STK32B: variants seen among roughly 807,000 people sequenced by gnomAD.
STK32B encodes the protein serine/threonine-protein kinase 32B.
Under a neutral mutation model 52.6 loss-of-function variants are expected in STK32B, and 43 were observed. That is an observed-to-expected ratio of 0.82 (90% CI 0.64 to 1.05). The LOEUF is 1.05. Ranked by LOEUF, STK32B falls within the 50% of genes least tolerant of loss-of-function variation. The pLI, the probability that STK32B is intolerant of heterozygous loss-of-function variation, is 0.00. For missense variants in STK32B, 621 were observed against 534.6 expected, an observed-to-expected ratio of 1.16 and a Z score of -1.59; for synonymous variants, 238 against 204.3, an observed-to-expected ratio of 1.17 and a Z score of -1.41.
At chr4:5,294,771 T>C (rs912465591) in intron 3 of STK32B, among the ~76,000 whole-genome samples, 3 of 152,218 alleles carry the variant, frequency 2.0e-5, no homozygotes, top group Admixed American at 6.5e-5. Flanking sequence ...TATTTCTTTC[T>C]CTTGCCTGAT....
At chr4:5,230,615 C>T (rs1724198330) in intron 3 of STK32B, among the ~76,000 whole-genome samples, 2 of 152,154 alleles carry the variant, frequency 1.3e-5, no homozygotes, top group Non-Finnish European at 2.9e-5. Flanking sequence ...TTTTGAACTT[C>T]TGGACACCCT....
the STK32B span, among the ~76,000 whole-genome samples, chr4:5,044,818 A>AGAGGATCTCTTGATCCTGG: frequency 2.0e-5 from 3 of 152,108 alleles, no homozygotes; most frequent in Non-Finnish European, 4.4e-5. Context: ...AGCTGAGGTG[A>AGAGGATCTCTTGATCCTGG]GAGGATCTCT....
chr4:5,135,335 G>A (rs1324427114), intron 1 of STK32B, among the ~76,000 whole-genome samples: 1 of 152,208 alleles, frequency 6.6e-6, no homozygotes, highest in Non-Finnish European at 1.5e-5. Context: ...CCCAGCCACA[G>A]CCACTGAGTG....
intron 3 of STK32B, among the ~76,000 whole-genome samples, chr4:5,306,725 T>G (rs1041846100): frequency 5.9e-5 from 9 of 152,170 alleles, no homozygotes; most frequent in African/African-American, 2.2e-4. Flanking sequence ...TATTGTTGTT[T>G]TATAGGTCCT....
At chr4:5,471,853 A>C (rs1577560572) in intron 11 of STK32B, among the ~76,000 whole-genome samples, 1 of 152,184 alleles carries the variant, frequency 6.6e-6, no homozygotes, top group East Asian at 1.9e-4. Context: ...TTAGGGGTTC[A>C]TCTGCAACTC....
At chr4:5,160,506 G>A (rs904238711) in intron 2 of STK32B, among the ~76,000 whole-genome samples, 16 of 151,730 alleles carry the variant, frequency 1.1e-4, no homozygotes, top group African/African-American at 3.9e-4. Context: ...CCAACCCTTG[G>A]TGACTGTGCT....
At chr4:5,401,336 TC>T (rs1737281013) in intron 5 of STK32B, among the ~76,000 whole-genome samples, 1 of 152,172 alleles carries the variant, frequency 6.6e-6, no homozygotes, top group South Asian at 2.1e-4. Flanking sequence ...TTTCAAGAGT[TC>T]CATCATTGGT....
chr4:5,078,530 G>A (rs953062626), intron 1 of STK32B, among the ~76,000 whole-genome samples: 17 of 152,324 alleles, frequency 1.1e-4, no homozygotes, highest in Admixed American at 9.1e-4. Context: ...GATAAGTTCT[G>A]GGGGTCTAGA....
intron 2 of STK32B, among the ~76,000 whole-genome samples, chr4:5,156,421 A>C (rs996761260): frequency 6.6e-6 from 1 of 152,138 alleles, no homozygotes; most frequent in Non-Finnish European, 1.5e-5. Context: ...TCTGCATGCA[A>C]ATTTACTTCG....
intron 1 of STK32B, among the ~76,000 whole-genome samples, chr4:5,094,514 C>A (rs762352569): frequency 1.3e-5 from 2 of 152,024 alleles, no homozygotes; most frequent in African/African-American, 4.8e-5. Flanking sequence ...ACTAGGTGGG[C>A]ATGGTGGTGT....
chr4:5,330,508 T>C (rs73091692), intron 3 of STK32B, among the ~76,000 whole-genome samples: 2,894 of 152,264 alleles, frequency 0.019, 70 homozygotes, highest in African/African-American at 0.051. Context: ...TCATGTTCTG[T>C]GGGGTAACTG....
At chr4:5,488,790 C>T (rs1023047187) in intron 11 of STK32B, among the ~76,000 whole-genome samples, 2 of 152,116 alleles carry the variant, frequency 1.3e-5, no homozygotes, top group African/African-American at 4.8e-5. Flanking sequence ...ATCTTTCTCT[C>T]CTACTTACCA....
At chr4:5,256,631 CCTTA>C (rs1371601055) in intron 3 of STK32B, among the ~76,000 whole-genome samples, 1 of 152,198 alleles carries the variant, frequency 6.6e-6, no homozygotes, top group Admixed American at 6.5e-5. Context: ...GCTTTTCTAG[CCTTA>C]AGGCCTGAGT....
chr4:5,415,239 C>T (rs573835744), intron 5 of STK32B, among the ~76,000 whole-genome samples: 5 of 152,164 alleles, frequency 3.3e-5, no homozygotes, highest in African/African-American at 9.7e-5. Context: ...TCACTCTAAC[C>T]GTTTCATGTG....
intron 4 of STK32B, among the ~76,000 whole-genome samples, chr4:5,360,378 A>G (rs1023591032): frequency 6.6e-6 from 1 of 152,098 alleles, no homozygotes; most frequent in Non-Finnish European, 1.5e-5. Flanking sequence ...GATTACAATA[A>G]CAACGAAGAC....
intron 6 of STK32B, among the ~76,000 whole-genome samples, chr4:5,427,439 T>TA (rs890471815): frequency 1.2e-4 from 18 of 152,058 alleles, no homozygotes; most frequent in African/African-American, 2.4e-4. Flanking sequence ...TTCTATTTTC[T>TA]AAAAAAAATA....
At chr4:5,264,358 T>G (rs1422576970) in intron 3 of STK32B, among the ~76,000 whole-genome samples, 2 of 152,198 alleles carry the variant, frequency 1.3e-5, no homozygotes, top group Non-Finnish European at 2.9e-5. Context: ...GGTATTTCTT[T>G]GTGGTTTTAA....
chr4:5,342,208 C>T (rs2108971623), intron 4 of STK32B, among the ~76,000 whole-genome samples: 1 of 152,140 alleles, frequency 6.6e-6, no homozygotes, highest in East Asian at 1.9e-4. Context: ...AGGTATTTAC[C>T]CAAAGGTTTA....
At chr4:5,486,812 G>A (rs1719258959) in intron 11 of STK32B, among the ~76,000 whole-genome samples, 1 of 152,186 alleles carries the variant, frequency 6.6e-6, no homozygotes, top group South Asian at 2.1e-4. Flanking sequence ...CAGATTGGCT[G>A]GTCTTTAAGT....
Sources: allele counts gnomAD v4.1 joint callset (sites outside exome capture counted in the v4.1 genomes callset), GRCh38; gene constraint gnomAD v4.1.1; transcripts MANE v1.5; gene names NCBI Gene and HGNC (gene_info 2026-07-23, HGNC 2026-07-21).